Variants in FRYL observed in about 807,000 individuals in gnomAD.
FRYL encodes the protein FRY like transcription coactivator.
FRYL carries 150 observed loss-of-function variants against 351.2 expected under a neutral mutation model. That is an observed-to-expected ratio of 0.43 (90% CI 0.37 to 0.49). The LOEUF is 0.49. Among genes scored for constraint, FRYL ranks in the 20% least tolerant of loss-of-function variants. FRYL has a pLI of 0.00. For synonymous variants in FRYL, 1,153 were observed against 1,257.1 expected, an observed-to-expected ratio of 0.92 and a Z score of 1.75; for missense variants, 3,036 against 3,619.3, an observed-to-expected ratio of 0.84 and a Z score of 4.13.
intron 1 of FRYL, among the ~76,000 whole-genome samples, chr4:48,742,426 T>G (rs1406464823): frequency 2.0e-5 from 3 of 152,166 alleles, no homozygotes; most frequent in Non-Finnish European, 4.4e-5. Context: ...TCATTCCTAG[T>G]TCTTACTCTC....
At chr4:48,653,521 C>T (rs1044403756) in intron 3 of FRYL, among the ~76,000 whole-genome samples, 2 of 151,970 alleles carry the variant, frequency 1.3e-5, no homozygotes, top group Non-Finnish European at 2.9e-5. Context: ...AAATTAACTA[C>T]TGATTTTACA....
chr4:48,596,237 C>T (rs751531841), intron 13 of FRYL, among the ~76,000 whole-genome samples: 1 of 151,964 alleles, frequency 6.6e-6, no homozygotes, highest in Non-Finnish European at 1.5e-5. Flanking sequence ...CTAAATTTTA[C>T]TTATTAAATA....
rs1359680892 is a variant in FRYL at position 48,531,313 on chromosome 4, A to G, written c.6746T>C (p.Val2249Ala). Residue 2249 changes from valine to alanine, a missense_variant, in exon 50 of 64, where the codon GTG becomes GCG. By Grantham distance (64) the Val-to-Ala change is moderately conservative. Transcript: ENST00000358350. ...WKEALNILKL[V>A]VSRSASLVVP... ...GACAAGACTCGCAGAGCGTGACACC[A>G]CCAGCTTTAATATGTTAAGGGCTTC... The G allele has an allele frequency of 9.9e-6, 16 of 1,613,726 alleles. No homozygotes were observed. The highest frequency in any genetic ancestry group is 1.4e-5 in the Non-Finnish European group (16 of 1,179,690).
At chr4:48,600,117 A>C (rs918285894) in intron 13 of FRYL, among the ~76,000 whole-genome samples, 2 of 151,986 alleles carry the variant, frequency 1.3e-5, no homozygotes, top group Admixed American at 1.3e-4. Flanking sequence ...AAAAAAAAAA[A>C]GGTATAGGTC....
At chr4:48,704,071 C>G (rs1767044573) in intron 2 of FRYL, among the ~76,000 whole-genome samples, 2 of 151,974 alleles carry the variant, frequency 1.3e-5, no homozygotes, top group Admixed American at 6.6e-5. Context: ...GGAACAATCA[C>G]TTATCCAAAA....
At chr4:48,603,120 A>G (rs920014611) in intron 12 of FRYL, among the ~76,000 whole-genome samples, 170 bp downstream of exon 12, 5 of 152,204 alleles carry the variant, frequency 3.3e-5, no homozygotes, top group African/African-American at 1.2e-4. Context: ...AGAACAGAAC[A>G]TTTAAATAGA....
At chr4:48,725,451 G>A (rs1247387934) in intron 1 of FRYL, among the ~76,000 whole-genome samples, 1 of 152,100 alleles carries the variant, frequency 6.6e-6, no homozygotes, top group African/African-American at 2.4e-5. Context: ...CCCTTATCCA[G>A]GTTTCATTTT....
intron 1 of FRYL, among the ~76,000 whole-genome samples, chr4:48,745,297 T>C (rs1396614407): frequency 6.6e-6 from 1 of 152,144 alleles, no homozygotes; most frequent in East Asian, 1.9e-4. Flanking sequence ...TAAAGACACA[T>C]GCACACGTAT....
intron 1 of FRYL, among the ~76,000 whole-genome samples, chr4:48,768,345 C>G (rs368321724): frequency 1.3e-5 from 2 of 152,132 alleles, no homozygotes; most frequent in Admixed American, 6.5e-5. Flanking sequence ...GCAAACAAAA[C>G]GAAAATCGTA....
At chr4:48,671,057 T>C (rs1762577736) in intron 3 of FRYL, among the ~76,000 whole-genome samples, 1 of 152,200 alleles carries the variant, frequency 6.6e-6, no homozygotes, top group Admixed American at 6.5e-5. Context: ...CTAATGTACA[T>C]TCCCATCAAT....
In FRYL at chr4:48,635,684, C is replaced by T. The variant is rs577115871; in HGVS notation, c.-80-1194G>A. Among the ~76,000 whole-genome samples, 8 of 152,266 alleles carry T rather than the reference C, an allele frequency of 5.3e-5. No individual in the cohort carries two copies. The East Asian group carries it at 1.3e-3, about 26-fold the overall frequency. ...ACAAGTTTTCCAGTCATGTCCATAT[C>T]GATCCCATATGTTGCTATGTCGATC... On this transcript the variant is annotated intron_variant, in intron 3 of 63. Coordinates refer to ENST00000358350, the MANE Select transcript of FRYL (RefSeq NM_015030.2).
intron 4 of FRYL, among the ~76,000 whole-genome samples, chr4:48,632,177 A>G (rs1441115046): frequency 7.0e-6 from 1 of 142,958 alleles, no homozygotes; most frequent in Non-Finnish European, 1.5e-5. Context: ...AAAATTGAGA[A>G]CTGGTAGGAC....
rs1269056309 is a variant in FRYL at position 48,550,790 on chromosome 4, G to A, written c.4521-86C>T. ...GTTTCACTTTCTCTGTTTAAAAAAG[G>A]AGGACGGACGCCATGGTTCAAGCCT... On this transcript the variant is annotated intron_variant, in intron 37 of 63. Coordinates refer to ENST00000358350, the MANE Select transcript of FRYL (RefSeq NM_015030.2). 20 of 999,332 alleles carry A rather than the reference G, an allele frequency of 2.0e-5. No individual in the cohort carries two copies. The East Asian group carries it at 4.8e-4, about 24-fold the overall frequency. The allele number at this position is 999,332 out of a possible 1,614,324, so 61.9% of individuals were successfully genotyped here. A position where few individuals can be genotyped will look rare whatever the true frequency, so the allele number is the denominator to read the frequency against.
At position 48,498,822 on chromosome 4, in the gene FRYL, A is replaced by ACT. The variant is rs1213990670; in HGVS notation, c.*598_*599dup. On this transcript the variant is annotated 3_prime_UTR_variant, in exon 64 of 64. Transcript: ENST00000358350. ...GACTATCACATATCCATACATCCCA[A>ACT]CTCACACACACATAATTCCTTATAC... 3 of 152,982 alleles carry ACT rather than the reference A, an allele frequency of 2.0e-5. No homozygotes were observed. Among genetic ancestry groups the ACT allele is most frequent in the African/African-American group, 7.2e-5 (3 of 41,418 alleles). The allele number at this position is 152,982 out of a possible 1,614,324, so 9.5% of individuals were successfully genotyped here.
intron 3 of FRYL, among the ~76,000 whole-genome samples, chr4:48,680,492 C>A (rs1764445281): frequency 6.6e-6 from 1 of 151,826 alleles, no homozygotes; most frequent in South Asian, 2.1e-4. Flanking sequence ...AATCCTTGTT[C>A]TATTCAAAGA....
chr4:48,747,454 T>C (rs1772810311), intron 1 of FRYL, among the ~76,000 whole-genome samples: 1 of 152,362 alleles, frequency 6.6e-6, no homozygotes, highest in South Asian at 2.1e-4. Context: ...AATTATTTTA[T>C]TCAAATTTAT....
At chr4:48,716,777 T>C (rs1560308476) in intron 1 of FRYL, among the ~76,000 whole-genome samples, 1 of 151,590 alleles carries the variant, frequency 6.6e-6, no homozygotes, top group Non-Finnish European at 1.5e-5. Flanking sequence ...ACTGGGTATA[T>C]ACCCAAAGGA....
At chr4:48,737,928 C>A (rs1771624158) in intron 1 of FRYL, among the ~76,000 whole-genome samples, 1 of 152,096 alleles carries the variant, frequency 6.6e-6, no homozygotes, top group South Asian at 2.1e-4. Flanking sequence ...ATGATAAAGA[C>A]TCTCAGTAAA....
intron 47 of FRYL, among the ~76,000 whole-genome samples, chr4:48,536,121 A>G (rs1728819985): frequency 6.6e-6 from 1 of 152,174 alleles, no homozygotes; most frequent in Admixed American, 6.5e-5. Flanking sequence ...TATGGTGTGA[A>G]CTCGGGACAT....
Sources: allele counts gnomAD v4.1 joint callset (sites outside exome capture counted in the v4.1 genomes callset), GRCh38; gene constraint gnomAD v4.1.1; transcripts MANE v1.5; gene names NCBI Gene and HGNC (gene_info 2026-07-23, HGNC 2026-07-21).